Variants in CCDC33 observed in about 807,000 individuals in gnomAD.
CCDC33 encodes coiled-coil domain containing 33.
Under a neutral mutation model 91.9 loss-of-function variants are expected in CCDC33, and 94 were observed. That is an observed-to-expected ratio of 1.02 (90% CI 0.87 to 1.21). CCDC33 has a LOEUF of 1.21. CCDC33 is among the 50% of genes most tolerant of loss of function. The pLI, the probability that CCDC33 is intolerant of heterozygous loss-of-function variation, is 0.00. For synonymous variants in CCDC33, 396 were observed against 374.5 expected (o/e 1.06, Z -0.66); for missense variants, 940 against 935.5 (o/e 1.00, Z -0.06).
At chr15:74,215,882 AAAAAAAAG>A (rs771854848), upstream of CCDC33, among the ~76,000 whole-genome samples, 1,769 of 148,452 alleles carry the variant, frequency 0.012, 21 homozygotes, top group African/African-American at 0.029. Flanking sequence ...ACCAAAAAAA[AAAAAAAAG>A]AAAGAAAGAA....
intron 2 of CCDC33, among the ~76,000 whole-genome samples, chr15:74,254,327 G>A (rs557581697): frequency 6.6e-5 from 10 of 152,288 alleles, no homozygotes; most frequent in African/African-American, 1.2e-4. Flanking sequence ...CACTGCGCCC[G>A]GACGCCTCTC....
intron 1 of CCDC33, among the ~76,000 whole-genome samples, chr15:74,207,276 A>T (rs2074280828): frequency 6.6e-6 from 1 of 152,132 alleles, no homozygotes; most frequent in South Asian, 2.1e-4. Context: ...AACCTCAGAA[A>T]CATCCCCTCA....
At chr15:74,318,572 G>A in intron 11 of CCDC33, 1 of 721,446 alleles carries the variant, frequency 1.4e-6, no homozygotes, top group South Asian at 1.5e-5. Context: ...CTGGGGAACA[G>A]GACTGCTAGC....
At chr15:74,226,389 C>G (rs1250311271) in intron 2 of CCDC33, among the ~76,000 whole-genome samples, 4 of 152,200 alleles carry the variant, frequency 2.6e-5, no homozygotes, top group Admixed American at 6.5e-5. Context: ...AGAGTCCTAT[C>G]TACTAACAAG....
intron 2 of CCDC33, among the ~76,000 whole-genome samples, chr15:74,249,265 T>A (rs1477472452): frequency 2.6e-5 from 4 of 151,968 alleles, no homozygotes; most frequent in African/African-American, 4.8e-5. Context: ...GGCGGATGGA[T>A]CATGAGGTCA....
At chr15:74,216,227 A>G (rs1187627893), upstream of CCDC33, among the ~76,000 whole-genome samples, 1 of 152,052 alleles carries the variant, frequency 6.6e-6, no homozygotes, top group African/African-American at 2.4e-5. Context: ...CGCTGAGGCA[A>G]AGGTTTCCAG....
chr15:74,234,184 T>C (rs1031419117), upstream of CCDC33, among the ~76,000 whole-genome samples: 2 of 152,210 alleles, frequency 1.3e-5, no homozygotes, highest in African/African-American at 4.8e-5. Flanking sequence ...CTCCCAGAAC[T>C]ATGGGCTCTC....
At position 74,336,033 on chromosome 15, in the gene CCDC33, G is replaced by A. The variant is rs375441296; in HGVS notation, c.2248G>A (p.Ala750Thr). ...NKPLSPQKETANSQQT is the reference protein window; with the variant it reads ...NKPLSPQKETTNSQQT ...GCCCTTGAGCCCCCAGAAGGAGACC[G>A]CTAACTCTCAGCAGACCTGAGCCCC... Residue 750 changes from alanine to threonine, a missense_variant, in exon 19 of 19, where the codon GCT becomes ACT. Ala to Thr is a moderately conservative substitution (Grantham distance 58). Transcript: ENST00000398814. The A allele has an allele frequency of 3.8e-5, 61 of 1,613,664 alleles. No homozygotes were observed. Among genetic ancestry groups the A allele is most frequent in the Non-Finnish European group, 4.2e-5 (49 of 1,179,978 alleles).
chr15:74,231,953 G>A (rs2074986082), upstream of CCDC33, among the ~76,000 whole-genome samples: 1 of 152,226 alleles, frequency 6.6e-6, no homozygotes, highest in African/African-American at 2.4e-5. Context: ...GGCGGAGGTT[G>A]CAGTTAGCTG....
rs769779741 is a variant in CCDC33 at position 74,295,722 on chromosome 15, T to A, written c.1096-32T>A. ...TAGATGGGCACAGAGAAGGGGCCTG[T>A]CCTGAAGTTTCTCTGCACCTTCTCT... is the stretch of plus-strand genomic sequence containing the variant. On this transcript the variant is annotated intron_variant, in intron 10 of 18. Transcript: ENST00000398814. 9 of 1,578,176 alleles carry A rather than the reference T, an allele frequency of 5.7e-6. No individual in the cohort carries two copies. In the Admixed American group the frequency reaches 1.4e-4, roughly 24 times the overall value.
chr15:74,261,993 A>G (rs939371496), intron 2 of CCDC33, among the ~76,000 whole-genome samples: 1 of 152,176 alleles, frequency 6.6e-6, no homozygotes, highest in Non-Finnish European at 1.5e-5. Context: ...GTTTAGGGAA[A>G]TAAGGTGAAG....
intron 1 of CCDC33, among the ~76,000 whole-genome samples, chr15:74,242,406 G>A (rs1191638638): frequency 6.6e-6 from 1 of 152,208 alleles, no homozygotes; most frequent in Admixed American, 6.5e-5. Context: ...GCTCCTGTCT[G>A]GGCCTCAATT....
rs201885171 is a variant in CCDC33, at chr15:74,334,994, G to A, written c.2045G>A (p.Arg682His). 119 of 1,613,962 alleles carry A rather than the reference G, an allele frequency of 7.4e-5. 1 individual carries two copies. The highest frequency in any genetic ancestry group is 6.0e-4 in the Admixed American group (36 of 60,006). ...CTGCAGTTAGAGGACTCAGCTCGACGCTGGGGACGAGAGAAGCAGGATCTG... is the reference window on the plus strand; with the variant it reads ...CTGCAGTTAGAGGACTCAGCTCGACACTGGGGACGAGAGAAGCAGGATCTG... ...LESQLEDSAR[R>H]WGREKQDLAT... is the part of the protein sequence containing the mutation. The change falls in exon 18 of 19, where the codon CGC becomes CAC. Residue 682 changes from arginine (R) to histidine (H), a missense_variant. Physicochemically the swap from Arg to His is conservative, Grantham distance 29. Coordinates refer to ENST00000398814, the MANE Select transcript of CCDC33 (RefSeq NM_025055.5).
chr15:74,322,263 A>G (rs1048208340), intron 11 of CCDC33, among the ~76,000 whole-genome samples: 1 of 152,254 alleles, frequency 6.6e-6, no homozygotes, highest in Non-Finnish European at 1.5e-5. Context: ...CAGCCACGGC[A>G]CAGCAGGTCT....
At chr15:74,334,043 C>A in intron 17 of CCDC33, 76 bp downstream of exon 17, 1 of 1,303,272 alleles carries the variant, frequency 7.7e-7, no homozygotes, top group Non-Finnish European at 1.1e-6. Context: ...AGTGTGTGAG[C>A]AGAGTCTAGG....
Position 74,332,777 on chromosome 15 carries a change from C to T in CCDC33, c.1870C>T (p.Leu624=). The T allele has an allele frequency of 6.2e-7, 1 of 1,614,226 alleles. No homozygotes were observed. Among genetic ancestry groups the T allele is most frequent in the Middle Eastern group, 1.6e-4 (1 of 6,062 alleles). ...GGTGCTGCTGGCAGAAAACGCGAAG[C>T]TGCGGACGGAGCTGGATAAGAACCG... ...YSVLLAENAK[L]RTELDKNRHQ... Residue 624 remains leucine, a synonymous_variant, in exon 16 of 19, where the codon CTG becomes TTG. Transcript: ENST00000398814.
intron 1 of CCDC33, among the ~76,000 whole-genome samples, chr15:74,241,461 C>T (rs1490625414): frequency 2.0e-5 from 3 of 152,122 alleles, no homozygotes; most frequent in African/African-American, 7.2e-5. Context: ...GTGTGAGAAA[C>T]AGCCAGGAGG....
rs192451821 is a variant in CCDC33, at chr15:74,282,947, G to A, written c.1095+1098G>A. Among the ~76,000 whole-genome samples the A allele has an allele frequency of 2.1e-3, 314 of 152,304 alleles. 2 individuals carry two copies. The highest frequency in any genetic ancestry group is 6.8e-3 in the African/African-American group (284 of 41,560). On this transcript the variant is annotated intron_variant, in intron 10 of 18. Transcript: ENST00000398814. ...AGTGTTTGCAGGGACTAATGTCCGC[G>A]CCAACCCACTCCTGCCTTCTTCCCA...
chr15:74,313,541 T>C (rs2060033630), intron 11 of CCDC33, among the ~76,000 whole-genome samples: 1 of 148,006 alleles, frequency 6.8e-6, no homozygotes, highest in Non-Finnish European at 1.5e-5. Flanking sequence ...TGCCTCAGCC[T>C]CCCAAGTGTC....
Sources: allele counts gnomAD v4.1 joint callset (sites outside exome capture counted in the v4.1 genomes callset), GRCh38; gene constraint gnomAD v4.1.1; transcripts MANE v1.5; gene names NCBI Gene and HGNC (gene_info 2026-07-23, HGNC 2026-07-21).